WDR81: variants seen among roughly 807,000 people sequenced by gnomAD.
WDR81 encodes WD repeat domain 81, also known as WD repeat-containing protein 81.
Under a neutral mutation model 140.8 loss-of-function variants are expected in WDR81, and 92 were observed. That is an observed-to-expected ratio of 0.65 (90% CI 0.55 to 0.78). The LOEUF (loss-of-function observed/expected upper bound fraction) is 0.78. Among genes scored for constraint, WDR81 ranks in the 30% least tolerant of loss-of-function variants. The pLI is 0.00. For synonymous variants in WDR81, 1,183 were observed against 1,156.4 expected (o/e 1.02, Z -0.47); for missense variants, 2,502 against 2,636.4 (o/e 0.95, Z 1.12).
intron 7 of WDR81, among the ~76,000 whole-genome samples, chr17:1,734,719 C>T (rs1455689488): frequency 6.6e-6 from 1 of 151,608 alleles, no homozygotes; most frequent in Non-Finnish European, 1.5e-5. Context: ...GCAGAGGTTG[C>T]CGTGAGCCGA....
At chr17:1,737,315 GT>G in intron 9 of WDR81, 49 bp from the exon 10 acceptor site, 1 of 1,533,714 alleles carries the variant, frequency 6.5e-7, no homozygotes, top group South Asian at 1.3e-5. Context: ...GGGCCCAAGG[GT>G]ATGCAGAAGG....
In WDR81 at chr17:1,737,632, A is replaced by G; in HGVS notation, c.5773A>G (p.Lys1925Glu). 6.2e-7 allele frequency: 1 copy of G among 1,612,454 alleles called. No individual in the cohort carries two copies. The highest frequency in any genetic ancestry group is 8.5e-7 in the Non-Finnish European group (1 of 1,179,950). The change falls in exon 10 of 10, where the codon AAA becomes GAA. Residue 1925 changes from lysine to glutamate, a missense_variant. This residue lies in a region of WDR81 where 1,737 missense variants were observed against 1,843.0 expected (regional missense o/e 0.94). Transcript: ENST00000409644. ...TLTSLALLPT[K>E]RHLLLGSDNG... ...CACCAGCCTGGCCTTGCTGCCCACT[A>G]AACGCCACCTCCTGCTGGGCTCAGA...
chr17:1,721,383 G>C (rs1404316091), upstream of WDR81, among the ~76,000 whole-genome samples: 1 of 151,868 alleles, frequency 6.6e-6, no homozygotes, highest in Admixed American at 6.6e-5. Context: ...AGCTGGGCTT[G>C]GTGACGCTGC....
chr17:1,733,422 A>C, intron 6 of WDR81, 105 bp from the exon 7 acceptor site: 1 of 1,175,758 alleles, frequency 8.5e-7, no homozygotes, highest in South Asian at 1.6e-5. Flanking sequence ...CCAGAGTTGC[A>C]GAGCCAGTTC....
chr17:1,737,409 C>T lies in WDR81; in HGVS notation c.5550C>T (p.Ser1850=). The change falls in exon 10 of 10, where the codon TCC becomes TCT. Residue 1850 remains serine (S), a synonymous_variant. Coordinates refer to ENST00000409644, the MANE Select transcript of WDR81 (RefSeq NM_001163809.2). ...SVLVSSSSDH[S]LTVWKELEQK... Reference sequence around the variant, plus strand: ...TGGTCAGCTCCTCCTCTGACCATTCCTTGACCGTCTGGAAGGAGCTGGAGC... The same window carrying T: ...TGGTCAGCTCCTCCTCTGACCATTCTTTGACCGTCTGGAAGGAGCTGGAGC... 1.2e-6 allele frequency: 2 copies of T among 1,612,838 alleles called. No individual in the cohort carries two copies. The highest frequency in any genetic ancestry group is 2.2e-5 in the South Asian group (2 of 91,068).
upstream of WDR81, chr17:1,724,532 G>C (rs1915075564): frequency 2.0e-6 from 2 of 986,664 alleles, no homozygotes; most frequent in African/African-American, 1.7e-5. Context: ...GGCCCGGCTG[G>C]AGCTGGCTGG....
rs775798053 is a variant in WDR81, at chr17:1,726,776, C to T, written c.1817C>T (p.Pro606Leu). The T allele has an allele frequency of 6.5e-6, 10 of 1,548,636 alleles. No homozygotes were observed. The highest frequency in any genetic ancestry group is 7.8e-6 in the Non-Finnish European group (9 of 1,146,722). ...CTTGCCCCCGAGCCTCCCCTCATCC[C>T]CAAGCTGTTGGTCCAGACCATCCAG... ...PALAPEPPLIPKLLVQTIQET... is the reference protein window; with the variant it reads ...PALAPEPPLILKLLVQTIQET... Residue 606 changes from proline (P) to leucine (L), a missense_variant, in exon 1 of 10, where the codon CCC (proline) becomes CTC (leucine). By Grantham distance (98) the Pro-to-Leu change is moderately conservative. Around this residue, in one of 3 missense-constraint regions of WDR81, gnomAD observed 1,737 missense variants for 1,843.0 expected, o/e 0.94. Coordinates refer to ENST00000409644, the MANE Select transcript of WDR81 (RefSeq NM_001163809.2).
chr17:1,722,347 C>CTT (rs543901572), upstream of WDR81, among the ~76,000 whole-genome samples: 60 of 138,256 alleles, frequency 4.3e-4, no homozygotes, highest in African/African-American at 1.2e-3. Context: ...TTTTCTCTCT[C>CTT]TTTTTTTTTT....
In WDR81 at chr17:1,734,125, C is replaced by T. The variant is rs1904641398; in HGVS notation, c.5088C>T (p.His1696=). The T allele has an allele frequency of 1.9e-6, 3 of 1,600,330 alleles. No homozygotes were observed. The highest frequency in any genetic ancestry group is 1.3e-5 in the African/African-American group (1 of 75,062). Residue 1696 remains histidine (H), a synonymous_variant, in exon 7 of 10, where the codon CAC becomes CAT. Coordinates refer to ENST00000409644, the MANE Select transcript of WDR81 (RefSeq NM_001163809.2). ...ETAPRLVYTQ[H]RKSVFFVGQL... ...CCCCACGCCTCGTCTACACCCAGCA[C>T]CGCAAGAGCGTCTTCTTCGTGGGCC...
Position 1,733,604 on chromosome 17 carries a change from C to A in WDR81, c.4567C>A (p.Pro1523Thr). 1 of 1,576,342 alleles carries A rather than the reference C, an allele frequency of 6.3e-7. No homozygotes were observed. The highest frequency in any genetic ancestry group is 1.2e-5 in the South Asian group (1 of 85,876). Residue 1523 changes from proline to threonine, a missense_variant, in exon 7 of 10, where the codon CCC becomes ACC. Pro to Thr is a conservative substitution (Grantham distance 38, BLOSUM62 -1). Around this residue, in one of 3 missense-constraint regions of WDR81, gnomAD observed 1,737 missense variants for 1,843.0 expected, o/e 0.94. Transcript: ENST00000409644. ...GGCGCTGTACTTGGAGAGCATCAGCCCCAGCAGTCGCAACCCTGCCAGCGT... is the reference window on the plus strand; with the variant it reads ...GGCGCTGTACTTGGAGAGCATCAGCACCAGCAGTCGCAACCCTGCCAGCGT... ...LAALYLESIS[P>T]SSRNPASVEP...
At chr17:1,718,108 CTTAT>C (rs780698436) in intron 1 of WDR81, among the ~76,000 whole-genome samples, 24 of 152,018 alleles carry the variant, frequency 1.6e-4, no homozygotes, top group East Asian at 9.7e-4. Flanking sequence ...ACTCCACCTC[CTTAT>C]TTATTTTTTT....
Position 1,728,449 on chromosome 17 carries a change from G to T in WDR81, c.3490G>T (p.Val1164Leu). The stretch of plus-strand genomic sequence containing the variant: ...AGAGGAGGAGGAGGACAGCTGCGTG[G>T]TGCTAGAGGAGGAGGAGGGGGAGCA... ...EEEEEEDSCV[V>L]LEEEEGEQEE... Residue 1164 changes from valine to leucine, a missense_variant, in exon 1 of 10, where the codon GTG becomes TTG. Physicochemically the swap from Val to Leu is conservative, Grantham distance 32. Coordinates refer to ENST00000409644, the MANE Select transcript of WDR81 (RefSeq NM_001163809.2). The T allele has an allele frequency of 6.2e-7, 1 of 1,611,782 alleles. No individual in the cohort carries two copies. Among genetic ancestry groups the T allele is most frequent in the Non-Finnish European group, 8.5e-7 (1 of 1,178,844 alleles).
rs1194329020 is a variant in WDR81 at position 1,726,316 on chromosome 17, T to TA, written c.1358dup (p.Tyr453Ter). 39 of 1,544,328 alleles carry TA rather than the reference T, an allele frequency of 2.5e-5. No individual in the cohort carries two copies. Among genetic ancestry groups the TA allele is most frequent in the Non-Finnish European group, 3.3e-5 (38 of 1,142,838 alleles). Reference sequence around the variant, plus strand: ...GCTCTCCGACATCACGTACTATGTGTACAAGGCTCGGCGCACGCCTCGGTC... The same window carrying TA: ...GCTCTCCGACATCACGTACTATGTGTAACAAGGCTCGGCGCACGCCTCGGTC... Reference protein sequence around the residue: ...DVLSDITYYVYKARRTPRSVL... With the variant: ...DVLSDITYYV Residue 453 changes from tyrosine to a stop codon, truncating the protein, a stop_gained and frameshift_variant, in exon 1 of 10, where the codon TAC becomes TAAC. Transcript: ENST00000409644. LOFTEE classifies it high-confidence loss of function.
upstream of WDR81, chr17:1,724,463 C>A: frequency 4.1e-6 from 4 of 984,498 alleles, no homozygotes; most frequent in Non-Finnish European, 4.8e-6. Flanking sequence ...GGGACCCGCG[C>A]GCTGGTGCGT....
At position 1,726,680 on chromosome 17, in the gene WDR81, A is replaced by T; in HGVS notation, c.1721A>T (p.His574Leu). The T allele has an allele frequency of 6.5e-7, 1 of 1,549,874 alleles. No individual in the cohort carries two copies. The highest frequency in any genetic ancestry group is 2.4e-5 in the East Asian group (1 of 40,920). ...VCLHLVDAHT[H>L]LASYGVVQLF... Reference sequence around the variant, plus strand: ...CTGCACCTGGTGGACGCCCACACTCACCTGGCCAGCTACGGGGTGGTGCAG... The same window carrying T: ...CTGCACCTGGTGGACGCCCACACTCTCCTGGCCAGCTACGGGGTGGTGCAG... The change falls in exon 1 of 10, where the codon CAC becomes CTC. Residue 574 changes from histidine (H) to leucine (L), a missense_variant. Coordinates refer to ENST00000409644, the MANE Select transcript of WDR81 (RefSeq NM_001163809.2).
chr17:1,721,531 T>TA (rs1002430771), upstream of WDR81, among the ~76,000 whole-genome samples: 3 of 147,340 alleles, frequency 2.0e-5, no homozygotes, highest in South Asian at 2.2e-4. Flanking sequence ...AAAAAATAAA[T>TA]AAAAAATCAC....
Position 1,719,548 on chromosome 17 carries a change from C to CA in WDR81, c.-124+2922dup, listed in dbSNP as rs1426181455. 4.2e-3 allele frequency among the ~76,000 whole-genome samples: 396 copies of CA among 94,878 alleles called. 2 individuals carry two copies. The highest frequency in any genetic ancestry group is 0.014 in the African/African-American group (369 of 26,716). The allele number at this position is 94,878 out of a possible 152,430, so 62.2% of individuals were successfully genotyped here. ...TGGGTGACAGAGCAAGACTCCGTCT[C>CA]AAAAAAAGAAAAAAAAAAAAAAATT... On this transcript the variant is annotated intron_variant, in intron 1 of 10. Transcript: ENST00000309182.
At position 1,733,846 on chromosome 17, in the gene WDR81, G is replaced by A; in HGVS notation, c.4809G>A (p.Lys1603=). Residue 1603 remains lysine, a synonymous_variant, in exon 7 of 10, where the codon AAG becomes AAA. Coordinates refer to ENST00000409644, the MANE Select transcript of WDR81 (RefSeq NM_001163809.2). ...LGSGSDDNAL[K]QELPRSVHGL... The stretch of plus-strand genomic sequence containing the variant: ...GCGGGAGCGACGACAACGCCCTGAA[G>A]CAGGAGCTGCCGCGGAGCGTGCACG... 6.2e-7 allele frequency: 1 copy of A among 1,612,684 alleles called. No homozygotes were observed.
intron 1 of WDR81, among the ~76,000 whole-genome samples, chr17:1,718,407 A>C (rs1567713456): frequency 1.3e-5 from 2 of 152,186 alleles, no homozygotes; most frequent in Admixed American, 6.5e-5. Context: ...CGTGTGAGCC[A>C]CCGCGCCCGG....
Sources: allele counts gnomAD v4.1 joint callset (sites outside exome capture counted in the v4.1 genomes callset), GRCh38; gene constraint gnomAD v4.1.1; regional missense constraint gnomAD v4.1.1; transcripts MANE v1.5; gene names NCBI Gene and HGNC (gene_info 2026-07-23, HGNC 2026-07-21).